The following ANKRD29 variants were observed in gnomAD, a reference collection of about 807,000 sequenced individuals.
ANKRD29 encodes the protein ankyrin repeat domain 29, also known as ankyrin repeat domain-containing protein 29.
A neutral mutation model predicts 38.0 loss-of-function variants in ANKRD29; 32 were observed. The observed-to-expected ratio is 0.84, with a 90% CI of 0.64 to 1.13. The LOEUF is 1.13. Ranked by LOEUF, ANKRD29 falls within the 50% of genes most tolerant of loss-of-function variation. The pLI, the probability that ANKRD29 is intolerant of heterozygous loss-of-function variation, is 0.00. For synonymous variants in ANKRD29, 135 were observed against 152.4 expected (o/e 0.89, Z 0.84); for missense variants, 357 against 377.9 (o/e 0.94, Z 0.46).
chr18:23,659,477 G>GCTTATGC (rs2060327543), intron 1 of ANKRD29, among the ~76,000 whole-genome samples: 1 of 152,196 alleles, frequency 6.6e-6, no homozygotes, highest in Admixed American at 6.5e-5. Flanking sequence ...GGGTGCGGTG[G>GCTTATGC]CTTATGCCTG....
At chr18:23,650,437 C>T (rs759927048) in intron 1 of ANKRD29, among the ~76,000 whole-genome samples, 68 of 152,236 alleles carry the variant, frequency 4.5e-4, no homozygotes, top group Non-Finnish European at 7.2e-4. Context: ...AGCCACTGCA[C>T]TGGGCCTACT....
Position 23,646,226 on chromosome 18 carries a change from A to C in ANKRD29, c.194T>G (p.Leu65Arg). The C allele has an allele frequency of 8.1e-6, 13 of 1,614,184 alleles. No individual in the cohort carries two copies. Among genetic ancestry groups the C allele is most frequent in the Non-Finnish European group, 1.1e-5 (13 of 1,180,020 alleles). Residue 65 changes from leucine to arginine, a missense_variant, in exon 3 of 10, where the codon CTG (leucine) becomes CGG (arginine). Coordinates refer to ENST00000592179, the MANE Select transcript of ANKRD29 (RefSeq NM_173505.4). ...ATTGATGTCTGCTCCTTGCAGAACC[A>C]GTTCCCTCACACAGTCTATGTGGCC... Reference protein sequence around the residue: ...YAGHIDCVRELVLQGADINLQ... With the variant: ...YAGHIDCVRERVLQGADINLQ...
intron 3 of ANKRD29, among the ~76,000 whole-genome samples, chr18:23,641,737 G>A (rs1464651520): frequency 2.6e-5 from 4 of 152,184 alleles, no homozygotes; most frequent in Non-Finnish European, 2.9e-5. Context: ...AAAAACCTCT[G>A]ACTCAGCCAG....
At chr18:23,631,858 G>A (rs1434467376) in intron 5 of ANKRD29, among the ~76,000 whole-genome samples, 1 of 152,136 alleles carries the variant, frequency 6.6e-6, no homozygotes, top group Non-Finnish European at 1.5e-5. Context: ...ATGATCCCCG[G>A]ATGCTCCCTT....
chr18:23,657,456 A>T (rs190892822), intron 1 of ANKRD29, among the ~76,000 whole-genome samples: 102 of 152,322 alleles, frequency 6.7e-4, no homozygotes, highest in South Asian at 2.1e-3. Context: ...AAAAATTGAG[A>T]TATAATCTAC....
intron 9 of ANKRD29, among the ~76,000 whole-genome samples, chr18:23,602,031 C>G (rs2059519371): frequency 6.6e-6 from 1 of 150,642 alleles, no homozygotes; most frequent in Non-Finnish European, 1.5e-5. Context: ...GGACTCAGCA[C>G]AGGTGTCTTT....
rs2059494216 is a variant in ANKRD29, at chr18:23,600,065, GT to G, written c.*1160del. 1 of 152,338 alleles carries G rather than the reference GT, an allele frequency of 6.6e-6. No individual in the cohort carries two copies. Among genetic ancestry groups the G allele is most frequent in the Admixed American group, 6.6e-5 (1 of 15,266 alleles). The allele number at this position is 152,338 out of a possible 1,614,324, so 9.4% of individuals were successfully genotyped here. ...TATTTTGGTAGATTACAGAAAGAAG[GT>G]TTTATTTTTGTATGTGCAGTTAGGC... On this transcript the variant is annotated 3_prime_UTR_variant, in exon 10 of 10. Transcript: ENST00000592179.
At chr18:23,659,016 C>A (rs1017084699) in intron 1 of ANKRD29, among the ~76,000 whole-genome samples, 1 of 152,178 alleles carries the variant, frequency 6.6e-6, no homozygotes, top group African/African-American at 2.4e-5. Flanking sequence ...GAGTCTCACT[C>A]TGTCACCCAG....
At chr18:23,613,733 G>A (rs2059675163) in intron 8 of ANKRD29, among the ~76,000 whole-genome samples, 1 of 151,336 alleles carries the variant, frequency 6.6e-6, no homozygotes, top group African/African-American at 2.4e-5. Context: ...CCAAGTAGCT[G>A]GCACTACAGG....
chr18:23,655,865 G>A (rs2060273460), intron 1 of ANKRD29, among the ~76,000 whole-genome samples: 1 of 149,534 alleles, frequency 6.7e-6, no homozygotes, highest in South Asian at 2.1e-4. Flanking sequence ...AGGCCGAGGC[G>A]GGCGGATCAC....
intron 1 of ANKRD29, among the ~76,000 whole-genome samples, chr18:23,650,208 T>C (rs1157424411): frequency 6.6e-6 from 1 of 152,156 alleles, no homozygotes; most frequent in Non-Finnish European, 1.5e-5. Context: ...TGCAGTAGCA[T>C]AGTTATGACT....
At position 23,598,966 on chromosome 18, in the gene ANKRD29, A is replaced by G. The variant is rs986013665; in HGVS notation, c.*2260T>C. On this transcript the variant is annotated 3_prime_UTR_variant, in exon 10 of 10. Coordinates refer to ENST00000592179, the MANE Select transcript of ANKRD29 (RefSeq NM_173505.4). ...ACTTTATTTTGAATTATTATATAAC[A>G]TGGAATATGTCATCAAAGAATGAAT... 2 of 152,196 alleles carry G rather than the reference A, an allele frequency of 1.3e-5. No homozygotes were observed. Among genetic ancestry groups the G allele is most frequent in the Non-Finnish European group, 1.5e-5 (1 of 68,022 alleles). The allele number at this position is 152,196 out of a possible 1,614,324, so 9.4% of individuals were successfully genotyped here.
rs748835221 is a variant in ANKRD29 at position 23,635,218 on chromosome 18, A to G, written c.331-1069T>C. 1.5e-4 allele frequency among the ~76,000 whole-genome samples: 23 copies of G among 151,844 alleles called. 1 individual carries two copies. The highest frequency in any genetic ancestry group is 9.8e-4 in the Admixed American group (15 of 15,258). On this transcript the variant is annotated intron_variant, in intron 4 of 9. Coordinates refer to ENST00000592179, the MANE Select transcript of ANKRD29 (RefSeq NM_173505.4). ...CAGGAAGTGGAGGCTGCAGTGAGCC[A>G]AGATCACACCACTGCACCCCAGCAT...
In ANKRD29 at chr18:23,600,987, C is replaced by T. The variant is rs909261119; in HGVS notation, c.*239G>A. On this transcript the variant is annotated 3_prime_UTR_variant, in exon 10 of 10. Coordinates refer to ENST00000592179, the MANE Select transcript of ANKRD29 (RefSeq NM_173505.4). ...GAATCTGTGAACATGCCAGGCCCCC[C>T]GGGAGATGAGTTACAGGACACCATG... 4.6e-5 allele frequency: 17 copies of T among 371,060 alleles called. No individual in the cohort carries two copies. Among genetic ancestry groups the T allele is most frequent in the Admixed American group, 1.7e-4 (4 of 24,102 alleles). The allele number at this position is 371,060 out of a possible 1,614,324, so 23.0% of individuals were successfully genotyped here. A position where few individuals can be genotyped will look rare whatever the true frequency, so the allele number is the denominator to read the frequency against.
intron 3 of ANKRD29, among the ~76,000 whole-genome samples, chr18:23,641,786 T>A (rs1036185244): frequency 6.6e-6 from 1 of 152,196 alleles, no homozygotes; most frequent in African/African-American, 2.4e-5. Context: ...GCTGGAAGGA[T>A]CTACCCATTG....
At chr18:23,615,752 G>A (rs1400570858) in intron 8 of ANKRD29, among the ~76,000 whole-genome samples, 1 of 151,776 alleles carries the variant, frequency 6.6e-6, no homozygotes, top group South Asian at 2.1e-4. Context: ...GATTACCACA[G>A]CAGAGTTGGG....
intron 6 of ANKRD29, chr18:23,619,851 A>G: frequency 4.2e-6 from 2 of 473,894 alleles, no homozygotes; most frequent in Non-Finnish European, 3.7e-6. Flanking sequence ...AGCCTGGGCT[A>G]CTTGAATAAT....
intron 9 of ANKRD29, among the ~76,000 whole-genome samples, chr18:23,603,351 G>C (rs1244734796): frequency 6.6e-6 from 1 of 152,236 alleles, no homozygotes; most frequent in African/African-American, 2.4e-5. Context: ...CTCACATTCT[G>C]GCTGGGCGTG....
intron 4 of ANKRD29, among the ~76,000 whole-genome samples, chr18:23,635,682 C>T (rs1189884967): frequency 6.6e-6 from 1 of 152,206 alleles, no homozygotes; most frequent in Non-Finnish European, 1.5e-5. Flanking sequence ...CATAGATCCC[C>T]ACCCTCAGCC....
Sources: gnomAD v4.1 joint callset for allele counts (sites outside exome capture counted in the v4.1 genomes callset) on GRCh38, gnomAD v4.1.1 for gene constraint, MANE v1.5 for transcripts, NCBI Gene and HGNC (gene_info 2026-07-23, HGNC 2026-07-21) for gene names.